Variants in PDE7B observed in about 807,000 individuals in gnomAD.
The protein encoded by PDE7B is 3',5'-cyclic-AMP phosphodiesterase 7B.
In PDE7B, 29 loss-of-function variants were observed where a neutral mutation model predicts 56.2. The ratio of observed to expected loss-of-function variants is 0.52; its 90% confidence interval spans 0.38 to 0.70. The LOEUF is 0.70. Ranked by LOEUF, PDE7B falls within the 30% of genes least tolerant of loss-of-function variation. The pLI is 0.00. For synonymous variants in PDE7B, 197 were observed against 196.9 expected (o/e 1.00, Z 0.00); for missense variants, 490 against 565.0 (o/e 0.87, Z 1.35).
intron 2 of PDE7B, among the ~76,000 whole-genome samples, chr6:135,964,264 C>T (rs897580828): frequency 6.6e-6 from 1 of 151,952 alleles, no homozygotes; most frequent in Non-Finnish European, 1.5e-5. Flanking sequence ...CCACCACACC[C>T]GGCTAATTTT....
intron 1 of PDE7B, among the ~76,000 whole-genome samples, chr6:135,926,901 A>G (rs2128196340): frequency 6.6e-6 from 1 of 152,324 alleles, no homozygotes. Flanking sequence ...AAGATTCCGC[A>G]TAATCTTTAT....
intron 1 of PDE7B, among the ~76,000 whole-genome samples, chr6:135,902,093 C>A (rs1776011779): frequency 6.6e-6 from 1 of 152,152 alleles, no homozygotes; most frequent in Non-Finnish European, 1.5e-5. Flanking sequence ...GTTTACTTTG[C>A]AAATGTGGCT....
rs578123461 is a variant in PDE7B at position 136,194,959 on chromosome 6, C to T, written c.*3119C>T. 7.2e-5 allele frequency: 11 copies of T among 152,298 alleles called. No individual in the cohort carries two copies. The highest frequency in any genetic ancestry group is 1.2e-4 in the Non-Finnish European group (8 of 68,030). The allele number at this position is 152,298 out of a possible 1,614,324, so 9.4% of individuals were successfully genotyped here. A position where few individuals can be genotyped will look rare whatever the true frequency, so the allele number is the denominator to read the frequency against. On this transcript the variant is annotated 3_prime_UTR_variant, in exon 13 of 13. Coordinates refer to ENST00000308191, the MANE Select transcript of PDE7B (RefSeq NM_018945.4). Reference sequence around the variant, plus strand: ...ATTTTTTCTTTACAATCTTGTTCTCCTTGTCCATGGACCATCAATAGTTGA... The same window carrying T: ...ATTTTTTCTTTACAATCTTGTTCTCTTTGTCCATGGACCATCAATAGTTGA...
rs755708299 is a variant in PDE7B, at chr6:136,038,349, C to T, written c.83-70382C>T. On this transcript the variant is annotated intron_variant, in intron 2 of 12. Transcript: ENST00000308191. ...GAGCTAGGCAGGAGGTGGACAGGCC[C>T]AGAAGGTGTGCTGCCCTCCTCCCCG... is the stretch of plus-strand genomic sequence containing the variant. The T allele has an allele frequency of 3.1e-6, 4 of 1,291,968 alleles. No homozygotes were observed. The South Asian group carries it at 4.9e-5, about 16-fold the overall frequency. 80.0% of individuals were successfully genotyped at this position (1,291,968 alleles called of 1,614,324 possible).
At chr6:135,907,630 T>A (rs12189966) in intron 1 of PDE7B, among the ~76,000 whole-genome samples, 3 of 151,726 alleles carry the variant, frequency 2.0e-5, no homozygotes, top group Non-Finnish European at 2.9e-5. Flanking sequence ...CAACATTAAC[T>A]GTTTCTATAT....
chr6:135,998,339 C>T (rs749643799), intron 2 of PDE7B, among the ~76,000 whole-genome samples: 43 of 151,988 alleles, frequency 2.8e-4, no homozygotes, highest in Non-Finnish European at 4.6e-4. Context: ...TGGTTCCTGT[C>T]GACTAAGTAG....
chr6:136,021,644 C>CAAA (rs57606305), intron 2 of PDE7B, among the ~76,000 whole-genome samples: 1 of 130,330 alleles, frequency 7.7e-6, no homozygotes, highest in African/African-American at 2.7e-5. Flanking sequence ...AACTCTGTCT[C>CAAA]AAAAAAAAAA....
chr6:135,961,173 C>G (rs1326379426), intron 2 of PDE7B, among the ~76,000 whole-genome samples: 1 of 151,904 alleles, frequency 6.6e-6, no homozygotes, highest in Non-Finnish European at 1.5e-5. Flanking sequence ...TTATACATGT[C>G]TTTTTGTGCA....
At chr6:136,002,229 C>T (rs1031368306) in intron 2 of PDE7B, among the ~76,000 whole-genome samples, 1 of 152,164 alleles carries the variant, frequency 6.6e-6, no homozygotes, top group Non-Finnish European at 1.5e-5. Flanking sequence ...ACAACTGGTA[C>T]CAGCCACTGC....
At chr6:136,143,511 A>G (rs962880896) in intron 3 of PDE7B, among the ~76,000 whole-genome samples, 1 of 152,102 alleles carries the variant, frequency 6.6e-6, no homozygotes, top group Non-Finnish European at 1.5e-5. Context: ...TTAAAACCAA[A>G]AAAAGTCATG....
chr6:135,876,383 A>G (rs553251211), intron 1 of PDE7B, among the ~76,000 whole-genome samples: 227 of 152,324 alleles, frequency 1.5e-3, no homozygotes, highest in Non-Finnish European at 2.1e-3. Flanking sequence ...CATGTTCTAC[A>G]GCTTCACTAA....
At chr6:135,980,060 C>T (rs1026838850) in intron 2 of PDE7B, among the ~76,000 whole-genome samples, 2 of 152,100 alleles carry the variant, frequency 1.3e-5, no homozygotes, top group Non-Finnish European at 2.9e-5. Context: ...GCTACAGTAA[C>T]CAAAACAGCA....
chr6:135,894,792 G>A (rs771896415), intron 1 of PDE7B, among the ~76,000 whole-genome samples: 15 of 152,142 alleles, frequency 9.9e-5, no homozygotes, highest in South Asian at 6.2e-4. Flanking sequence ...AGTACGAGAC[G>A]GGTCCCACTA....
intron 2 of PDE7B, chr6:136,037,716 C>T (rs1368075111): frequency 1.2e-5 from 12 of 985,434 alleles, no homozygotes; most frequent in African/African-American, 1.0e-4. Context: ...AAGGGGGGAG[C>T]CCCTCTGTGA....
At chr6:135,898,015 C>A (rs529597366) in intron 1 of PDE7B, among the ~76,000 whole-genome samples, 1 of 152,226 alleles carries the variant, frequency 6.6e-6, no homozygotes, top group African/African-American at 2.4e-5. Flanking sequence ...CATGTCTGAT[C>A]CTTATATTAG....
chr6:135,920,925 A>G (rs1020862564), intron 1 of PDE7B, among the ~76,000 whole-genome samples: 1 of 152,126 alleles, frequency 6.6e-6, no homozygotes. Flanking sequence ...TTATGTTCTG[A>G]TAAACAATGT....
intron 9 of PDE7B, among the ~76,000 whole-genome samples, chr6:136,177,494 A>C (rs1322556789): frequency 1.3e-5 from 2 of 152,194 alleles, no homozygotes; most frequent in Non-Finnish European, 2.9e-5. Flanking sequence ...CAAAAACTAG[A>C]GTAGAAACTT....
At chr6:136,105,152 G>C (rs1176800039) in intron 2 of PDE7B, among the ~76,000 whole-genome samples, 1 of 152,180 alleles carries the variant, frequency 6.6e-6, no homozygotes, top group Admixed American at 6.5e-5. Context: ...TGGTTGTCTT[G>C]CTTGTACAGC....
At chr6:136,076,601 G>A (rs543109509) in intron 2 of PDE7B, among the ~76,000 whole-genome samples, 2 of 152,222 alleles carry the variant, frequency 1.3e-5, no homozygotes, top group South Asian at 4.2e-4. Flanking sequence ...GAATTGGTTC[G>A]AAGTCTTTAT....
Sources: allele counts gnomAD v4.1 joint callset (sites outside exome capture counted in the v4.1 genomes callset), GRCh38; gene constraint gnomAD v4.1.1; transcripts MANE v1.5; gene names NCBI Gene and HGNC (gene_info 2026-07-23, HGNC 2026-07-21).